TAFA5: variants seen among roughly 807,000 people sequenced by gnomAD.
TAFA5 encodes the protein chemokine-like protein TAFA-5.
A neutral mutation model predicts 15.3 loss-of-function variants in TAFA5; 6 were observed. That is an observed-to-expected ratio of 0.39 (90% confidence interval 0.21 to 0.77). TAFA5 has a LOEUF of 0.77. TAFA5 is among the 30% of genes least tolerant of loss of function. The pLI, the probability that TAFA5 is intolerant of heterozygous loss-of-function variation, is 0.41. For synonymous variants in TAFA5, 103 were observed against 80.7 expected (o/e 1.28, Z -1.48); for missense variants, 161 against 193.1 (o/e 0.83, Z 0.98).
At chr22:48,715,454 G>A (rs1385950719) in intron 3 of TAFA5, among the ~76,000 whole-genome samples, 2 of 152,194 alleles carry the variant, frequency 1.3e-5, no homozygotes, top group Non-Finnish European at 2.9e-5. Flanking sequence ...GGGGCAGGGA[G>A]GCGAGGAGGC....
intron 2 of TAFA5, among the ~76,000 whole-genome samples, chr22:48,653,152 T>C (rs1569065121): frequency 6.6e-6 from 1 of 152,188 alleles, no homozygotes; most frequent in Non-Finnish European, 1.5e-5. Flanking sequence ...TGGCGTGTTA[T>C]AAACGCTTGG....
intron 2 of TAFA5, among the ~76,000 whole-genome samples, chr22:48,648,614 G>T (rs1432082885): frequency 6.6e-6 from 1 of 152,198 alleles, no homozygotes; most frequent in African/African-American, 2.4e-5. Context: ...GCTGAGGCAG[G>T]TGGATCACGA....
intron 2 of TAFA5, among the ~76,000 whole-genome samples, chr22:48,666,236 G>T (rs1310328772): frequency 6.6e-6 from 1 of 152,160 alleles, no homozygotes. Flanking sequence ...CTTCCCCTCT[G>T]CACTCAGAGG....
chr22:48,502,136 A>G (rs1346045100), intron 1 of TAFA5, among the ~76,000 whole-genome samples: 1 of 152,226 alleles, frequency 6.6e-6, no homozygotes, highest in Non-Finnish European at 1.5e-5. Flanking sequence ...ATGACAATGA[A>G]CATCTCAGAA....
intron 1 of TAFA5, among the ~76,000 whole-genome samples, chr22:48,575,256 C>G (rs1468052969): frequency 6.6e-6 from 1 of 152,008 alleles, no homozygotes; most frequent in Non-Finnish European, 1.5e-5. Context: ...AGGTGGAGCC[C>G]GACCCGCAGT....
intron 3 of TAFA5, among the ~76,000 whole-genome samples, chr22:48,747,052 G>C (rs946358485): frequency 6.6e-6 from 1 of 152,184 alleles, no homozygotes; most frequent in Non-Finnish European, 1.5e-5. Flanking sequence ...AGGGCGGAGG[G>C]CAGGGGAGTG....
chr22:48,698,179 G>A (rs555028952), intron 2 of TAFA5, among the ~76,000 whole-genome samples: 1 of 151,258 alleles, frequency 6.6e-6, no homozygotes, highest in African/African-American at 2.4e-5. Context: ...AGTGATGATG[G>A]TGGTGATGAT....
chr22:48,646,508 G>A (rs1926867692), intron 1 of TAFA5, 89 bp from the exon 2 acceptor site: 3 of 1,510,350 alleles, frequency 2.0e-6, no homozygotes, highest in African/African-American at 1.4e-5. Context: ...GGCTGCTGGG[G>A]GCCCCTCTGT....
rs1255020235 is a variant in TAFA5 at position 48,695,107 on chromosome 22, GGT to G, written c.263-12601_263-12600del. ...TCCATTTGACTTCGTGAGGCCAGGTGGTGTGTGTGTCTTTGTGTGTCTGCATT... is the reference window on the plus strand; with the variant it reads ...TCCATTTGACTTCGTGAGGCCAGGTGGTGTGTGTCTTTGTGTGTCTGCATT... On this transcript the variant is annotated intron_variant, in intron 2 of 3. Coordinates refer to ENST00000402357, the MANE Select transcript of TAFA5 (RefSeq NM_001082967.3). 2.0e-5 allele frequency among the ~76,000 whole-genome samples: 3 copies of G among 151,916 alleles called. No individual in the cohort carries two copies. In the East Asian group the frequency reaches 5.8e-4, roughly 29 times the overall value.
chr22:48,570,183 G>A (rs1216234315), intron 1 of TAFA5, among the ~76,000 whole-genome samples: 1 of 152,170 alleles, frequency 6.6e-6, no homozygotes. Context: ...CCTGCCTCGT[G>A]GTCTGTGATT....
chr22:48,723,665 G>T (rs544690768), intron 3 of TAFA5, among the ~76,000 whole-genome samples: 86 of 152,360 alleles, frequency 5.6e-4, no homozygotes, highest in Middle Eastern at 3.4e-3. Flanking sequence ...TAGGGTGGGA[G>T]ACCTTGTGGA....
chr22:48,571,271 C>CTTTTTTTTTTT (rs869050468), intron 1 of TAFA5, among the ~76,000 whole-genome samples: 1 of 97,712 alleles, frequency 1.0e-5, no homozygotes. Flanking sequence ...TTGTTGTTTG[C>CTTTTTTTTTTT]TTTTTTTTTT....
At chr22:48,622,079 C>T (rs1925857909) in intron 1 of TAFA5, among the ~76,000 whole-genome samples, 2 of 152,160 alleles carry the variant, frequency 1.3e-5, no homozygotes, top group Non-Finnish European at 2.9e-5. Flanking sequence ...CCCTACAACA[C>T]ACCTTCCCTT....
At chr22:48,567,422 A>G (rs1279659848) in intron 1 of TAFA5, among the ~76,000 whole-genome samples, 1 of 152,236 alleles carries the variant, frequency 6.6e-6, no homozygotes, top group East Asian at 1.9e-4. Context: ...AATGGGATCT[A>G]TTAAGCCCAG....
At chr22:48,674,948 T>G (rs866303258) in intron 2 of TAFA5, among the ~76,000 whole-genome samples, 2 of 151,968 alleles carry the variant, frequency 1.3e-5, no homozygotes, top group South Asian at 4.1e-4. Context: ...GGCCAGTTTT[T>G]TTTTTTTTTT....
intron 1 of TAFA5, among the ~76,000 whole-genome samples, chr22:48,510,988 C>T (rs1334505589): frequency 7.2e-5 from 11 of 152,234 alleles, no homozygotes; most frequent in Admixed American, 7.2e-4. Flanking sequence ...GGGCTGGGCA[C>T]CCCATGTGCC....
chr22:48,593,200 A>G (rs980403900), intron 1 of TAFA5, among the ~76,000 whole-genome samples: 4 of 152,212 alleles, frequency 2.6e-5, no homozygotes, highest in Non-Finnish European at 4.4e-5. Context: ...AGGCCAGCCC[A>G]GGACCCCACC....
chr22:48,670,887 G>A (rs1465086437), intron 2 of TAFA5, among the ~76,000 whole-genome samples: 3 of 152,186 alleles, frequency 2.0e-5, no homozygotes, highest in Admixed American at 6.6e-5. Context: ...GGGAAACACC[G>A]TTCCCAAAGC....
chr22:48,559,806 C>T lies in TAFA5; in HGVS notation c.112+70102C>T, dbSNP rs559057016. Among the ~76,000 whole-genome samples, 13 of 152,234 alleles carry T rather than the reference C, an allele frequency of 8.5e-5. No individual in the cohort carries two copies. In the East Asian group the frequency reaches 1.4e-3, roughly 16 times the overall value. On this transcript the variant is annotated intron_variant, in intron 1 of 3. Transcript: ENST00000402357. ...AGGGGACAAACCCAGAGGCGGAGCG[C>T]GGCGGGGATGGAGGAAGGGATGCAG...
Sources: allele counts gnomAD v4.1 joint callset (sites outside exome capture counted in the v4.1 genomes callset), GRCh38; gene constraint gnomAD v4.1.1; transcripts MANE v1.5; gene names NCBI Gene and HGNC (gene_info 2026-07-23, HGNC 2026-07-21).